Variants in TBC1D22A observed in about 807,000 individuals in gnomAD.
TBC1D22A encodes putative GTPase activator.
In TBC1D22A, 38 loss-of-function variants were observed where a neutral mutation model predicts 60.2. The ratio of observed to expected loss-of-function variants is 0.63; its 90% confidence interval spans 0.49 to 0.83. The LOEUF (loss-of-function observed/expected upper bound fraction) is 0.83. TBC1D22A is among the 40% of genes least tolerant of loss of function. The pLI is 0.00. For missense variants in TBC1D22A, 628 were observed against 701.0 expected (o/e 0.90, Z 1.18); for synonymous variants, 302 against 281.7 (o/e 1.07, Z -0.72).
chr22:46,967,297 C>G (rs369073651), intron 8 of TBC1D22A, among the ~76,000 whole-genome samples: 1 of 152,302 alleles, frequency 6.6e-6, no homozygotes. Flanking sequence ...CTCACCAAGG[C>G]AGGACTTTTT....
Position 46,813,520 on chromosome 22 carries a change from A to T in TBC1D22A, c.637+15900A>T, listed in dbSNP as rs1474813250. 3.9e-5 allele frequency among the ~76,000 whole-genome samples: 6 copies of T among 152,162 alleles called. No individual in the cohort carries two copies. In the South Asian group the frequency reaches 1.2e-3, roughly 31 times the overall value. On this transcript the variant is annotated intron_variant, in intron 4 of 12. Coordinates refer to ENST00000337137, the MANE Select transcript of TBC1D22A (RefSeq NM_014346.5). ...GAAGAATGCTTTAATAATAGTGAAA[A>T]TTATTTCTGATTATTTCATTCAATT... is the stretch of plus-strand genomic sequence containing the variant.
chr22:46,946,369 A>G (rs2072541345), intron 8 of TBC1D22A, among the ~76,000 whole-genome samples: 2 of 152,182 alleles, frequency 1.3e-5, no homozygotes, highest in Admixed American at 1.3e-4. Flanking sequence ...GGTGCCCCTG[A>G]CGAGCAGAGG....
chr22:47,050,203 C>T (rs1371418734), intron 11 of TBC1D22A, among the ~76,000 whole-genome samples: 2 of 152,170 alleles, frequency 1.3e-5, no homozygotes, highest in Non-Finnish European at 2.9e-5. Flanking sequence ...CGGGGTTTCA[C>T]CCTGTTGGCC....
chr22:47,103,172 G>A (rs1387079319), intron 11 of TBC1D22A, among the ~76,000 whole-genome samples: 1 of 152,152 alleles, frequency 6.6e-6, no homozygotes, highest in Non-Finnish European at 1.5e-5. Flanking sequence ...ATTTGGGGGT[G>A]TGTGTGTAAT....
chr22:47,126,609 A>G (rs2066468005), intron 12 of TBC1D22A, among the ~76,000 whole-genome samples: 2 of 152,194 alleles, frequency 1.3e-5, no homozygotes, highest in Non-Finnish European at 2.9e-5. Flanking sequence ...GGGCGGAGGG[A>G]GTGACCCCTG....
rs74343041 is a variant in TBC1D22A, at chr22:47,126,608, G to T, written c.1425+15005G>T. On this transcript the variant is annotated intron_variant, in intron 12 of 12. Coordinates refer to ENST00000337137, the MANE Select transcript of TBC1D22A (RefSeq NM_014346.5). ...TCAGGCCTTCCAATGAGGGCGGAGG[G>T]AGTGACCCCTGGCGCTGTCTTCTCT... 2.7e-3 allele frequency among the ~76,000 whole-genome samples: 417 copies of T among 152,380 alleles called. 2 individuals are homozygous for T. Among genetic ancestry groups the T allele is most frequent in the African/African-American group, 9.7e-3 (402 of 41,588 alleles).
At chr22:47,162,809 T>TGCAGGGAGAGTCGGGGGAGTGGGACTGC (rs1569479347) in intron 12 of TBC1D22A, among the ~76,000 whole-genome samples, 128 of 109,210 alleles carry the variant, frequency 1.2e-3, no homozygotes, top group African/African-American at 4.7e-3. Flanking sequence ...AGTGGGACTG[T>TGCAGGGAGAGTCGGGGGAGTGGGACTGC]GGACCCGGTG....
intron 12 of TBC1D22A, among the ~76,000 whole-genome samples, chr22:47,136,611 C>A (rs571166706): frequency 2.4e-5 from 3 of 122,862 alleles, no homozygotes; most frequent in Non-Finnish European, 5.4e-5. Context: ...AACCCTGGGC[C>A]ATGTGGCACC....
chr22:47,081,224 C>T (rs2064454609), intron 11 of TBC1D22A, among the ~76,000 whole-genome samples: 2 of 151,852 alleles, frequency 1.3e-5, no homozygotes, highest in African/African-American at 2.4e-5. Context: ...TGACTGACCA[C>T]GTTAACAGAA....
At chr22:47,173,392 C>T in intron 12 of TBC1D22A, 106 bp from the exon 13 acceptor site, 1 of 1,477,550 alleles carries the variant, frequency 6.8e-7, no homozygotes, top group East Asian at 2.3e-5. Flanking sequence ...CACCGTGGGT[C>T]ACCTCCTCTG....
chr22:46,786,913 T>G, intron 1 of TBC1D22A, among the ~76,000 whole-genome samples: 1 of 152,056 alleles, frequency 6.6e-6, no homozygotes, highest in Non-Finnish European at 1.5e-5. Context: ...CTTGAACTCC[T>G]GGGGTTCAAG....
At chr22:47,172,691 A>G (rs1321079172) in intron 12 of TBC1D22A, among the ~76,000 whole-genome samples, 1 of 152,248 alleles carries the variant, frequency 6.6e-6, no homozygotes, top group Non-Finnish European at 1.5e-5. Flanking sequence ...CACATTAGAA[A>G]GCAATAAATA....
chr22:46,877,819 G>A (rs2067636574), intron 4 of TBC1D22A, among the ~76,000 whole-genome samples: 1 of 152,196 alleles, frequency 6.6e-6, no homozygotes, highest in African/African-American at 2.4e-5. Flanking sequence ...GACAAGTGTT[G>A]CTATACCTAG....
intron 5 of TBC1D22A, among the ~76,000 whole-genome samples, chr22:46,880,313 A>G (rs1242023949): frequency 1.3e-5 from 2 of 152,236 alleles, no homozygotes; most frequent in Non-Finnish European, 2.9e-5. Context: ...GCCTTTCCAA[A>G]GGAGGCAAAT....
chr22:47,056,767 G>A (rs74952824), intron 11 of TBC1D22A, among the ~76,000 whole-genome samples: 6,545 of 152,326 alleles, frequency 0.043, 159 homozygotes, highest in Middle Eastern at 0.068. Flanking sequence ...AACTGTCTGA[G>A]CAGCATCTGG....
At chr22:47,052,501 G>T (rs1459313598) in intron 11 of TBC1D22A, among the ~76,000 whole-genome samples, 1 of 152,186 alleles carries the variant, frequency 6.6e-6, no homozygotes, top group African/African-American at 2.4e-5. Flanking sequence ...ATTGTGTACA[G>T]AGAGAGGACC....
At chr22:47,108,615 G>A (rs1308408709) in intron 11 of TBC1D22A, among the ~76,000 whole-genome samples, 5 of 152,204 alleles carry the variant, frequency 3.3e-5, no homozygotes, top group South Asian at 2.1e-4. Flanking sequence ...CCACTACCTC[G>A]GTTGTGATGG....
intron 4 of TBC1D22A, among the ~76,000 whole-genome samples, chr22:46,855,964 T>C (rs1021120626): frequency 1.3e-5 from 2 of 152,218 alleles, no homozygotes; most frequent in Non-Finnish European, 2.9e-5. Context: ...CTGGTGGATT[T>C]CTCAGTCATG....
At chr22:46,963,328 C>T (rs1602690294) in intron 8 of TBC1D22A, among the ~76,000 whole-genome samples, 1 of 151,652 alleles carries the variant, frequency 6.6e-6, no homozygotes, top group Non-Finnish European at 1.5e-5. Context: ...CACTGCCTGC[C>T]CTGGGTCCCG....
Sources: allele counts gnomAD v4.1 joint callset (sites outside exome capture counted in the v4.1 genomes callset), GRCh38; gene constraint gnomAD v4.1.1; transcripts MANE v1.5; gene names NCBI Gene and HGNC (gene_info 2026-07-23, HGNC 2026-07-21).